PRDM5: variants seen among roughly 807,000 people sequenced by gnomAD.
The protein encoded by PRDM5 is PR domain zinc finger protein 5.
PRDM5 carries 56 observed loss-of-function variants against 81.2 expected under a neutral mutation model. The ratio of observed to expected loss-of-function variants is 0.69; its 90% CI spans 0.56 to 0.86. PRDM5 has a LOEUF of 0.86. Among genes scored for constraint, PRDM5 ranks in the 40% least tolerant of loss-of-function variants. The pLI, the probability that PRDM5 is intolerant of heterozygous loss-of-function variation, is 0.00. For synonymous variants in PRDM5, 267 were observed against 256.4 expected (o/e 1.04, Z -0.39); for missense variants, 697 against 770.1 (o/e 0.91, Z 1.12).
At chr4:120,800,964 G>A (rs896905600) in intron 8 of PRDM5, among the ~76,000 whole-genome samples, 76 of 152,200 alleles carry the variant, frequency 5.0e-4, no homozygotes, top group African/African-American at 1.6e-3. Context: ...AACTGGATAG[G>A]TGGTATGAAA....
chr4:120,830,822 A>G (rs983485945), intron 3 of PRDM5, among the ~76,000 whole-genome samples: 4 of 151,918 alleles, frequency 2.6e-5, no homozygotes, highest in Non-Finnish European at 4.4e-5. Flanking sequence ...GATTCCTAAA[A>G]ACAGAATACT....
At chr4:120,703,352 T>C (rs974794419) in intron 15 of PRDM5, among the ~76,000 whole-genome samples, 4 of 152,080 alleles carry the variant, frequency 2.6e-5, no homozygotes, top group Non-Finnish European at 4.4e-5. Flanking sequence ...TGCCAGCTAA[T>C]TTTTTATTTT....
At chr4:120,917,675 A>G (rs1724352771) in intron 1 of PRDM5, among the ~76,000 whole-genome samples, 1 of 31,876 alleles carries the variant, frequency 3.1e-5, no homozygotes, top group Admixed American at 5.6e-4. Context: ...CTATAGTCAG[A>G]CATTAAAAAA....
intron 2 of PRDM5, among the ~76,000 whole-genome samples, chr4:120,865,474 A>G (rs571710979): frequency 6.6e-6 from 1 of 152,240 alleles, no homozygotes; most frequent in African/African-American, 2.4e-5. Flanking sequence ...GGATAATCTG[A>G]TATCTCCTTC....
Position 120,818,502 on chromosome 4 carries a change from A to AT in PRDM5, c.500dup (p.Tyr167Ter). ...RKDRLGCKEDYACPQCESSFT... is the reference protein window; with the variant it reads ...RKDRLGCKED The stretch of plus-strand genomic sequence containing the variant: ...AACTCGATTCACATTGAGGACAAGC[A>AT]TAGTCCTCTTTACAGCCAAGGCGAT... The change falls in exon 5 of 16, where the codon TAT becomes TAAT. Residue 167 changes from tyrosine to a stop codon, truncating the protein, a stop_gained and frameshift_variant. Transcript: ENST00000264808. LOFTEE classifies it high-confidence loss of function. The AT allele has an allele frequency of 6.2e-7, 1 of 1,613,542 alleles. No individual in the cohort carries two copies. The highest frequency in any genetic ancestry group is 8.5e-7 in the Non-Finnish European group (1 of 1,179,466).
At chr4:120,855,280 C>T (rs979185052) in intron 2 of PRDM5, among the ~76,000 whole-genome samples, 10 of 152,258 alleles carry the variant, frequency 6.6e-5, no homozygotes, top group African/African-American at 9.6e-5. Context: ...CAGACCATCA[C>T]TGGGAAGCAC....
At chr4:120,711,912 CA>C (rs1164096922) in intron 14 of PRDM5, among the ~76,000 whole-genome samples, 5 of 152,086 alleles carry the variant, frequency 3.3e-5, no homozygotes, top group African/African-American at 7.2e-5. Flanking sequence ...AGTGCATCAT[CA>C]AAAAGTTTCG....
In PRDM5 at chr4:120,913,841, G is replaced by A. The variant is rs142972759; in HGVS notation, c.94-6284C>T. Among the ~76,000 whole-genome samples the A allele has an allele frequency of 4.3e-3, 661 of 152,320 alleles. 6 individuals are homozygous for A. Among genetic ancestry groups the A allele is most frequent in the African/African-American group, 0.016 (650 of 41,568 alleles). Reference sequence around the variant, plus strand: ...AAAGTCAGAGATGGAGGGGGTCACAGCCCACAATCTTTCCTGCTCTTGATG... The same window carrying A: ...AAAGTCAGAGATGGAGGGGGTCACAACCCACAATCTTTCCTGCTCTTGATG... On this transcript the variant is annotated intron_variant, in intron 1 of 15. Coordinates refer to ENST00000264808, the MANE Select transcript of PRDM5 (RefSeq NM_018699.4).
chr4:120,774,882 C>T (rs1216302833), intron 13 of PRDM5, among the ~76,000 whole-genome samples: 20 of 91,908 alleles, frequency 2.2e-4, no homozygotes, highest in African/African-American at 7.2e-4. Flanking sequence ...CTCTCTCTCT[C>T]TCTTTCTATA....
intron 2 of PRDM5, among the ~76,000 whole-genome samples, chr4:120,878,899 A>G (rs1287005702): frequency 6.6e-6 from 1 of 152,226 alleles, no homozygotes; most frequent in Non-Finnish European, 1.5e-5. Context: ...AATGCTGACA[A>G]GGACATGGGG....
At chr4:120,896,553 T>C (rs1441843656) in intron 2 of PRDM5, 1 of 151,976 alleles carries the variant, frequency 6.6e-6, no homozygotes, top group Non-Finnish European at 1.5e-5. Context: ...TTTTAAATAG[T>C]TTGAAGTTTG....
intron 2 of PRDM5, among the ~76,000 whole-genome samples, chr4:120,868,840 G>C (rs1761481466): frequency 6.6e-6 from 1 of 151,984 alleles, no homozygotes. Flanking sequence ...TAAAAATGAA[G>C]CCTATAGATA....
chr4:120,767,904 A>C (rs1398146144), intron 13 of PRDM5, among the ~76,000 whole-genome samples: 1 of 152,194 alleles, frequency 6.6e-6, no homozygotes, highest in African/African-American at 2.4e-5. Context: ...GTTCCCCTGC[A>C]CATGCTCTGT....
chr4:120,709,086 A>G (rs994175696), intron 15 of PRDM5, among the ~76,000 whole-genome samples: 6 of 152,298 alleles, frequency 3.9e-5, no homozygotes, highest in South Asian at 4.1e-4. Context: ...TGATGGTTCA[A>G]TTCACCTAAG....
At chr4:120,810,570 A>C (rs1225782227) in intron 8 of PRDM5, 1 of 152,224 alleles carries the variant, frequency 6.6e-6, no homozygotes, top group Non-Finnish European at 1.5e-5. Context: ...CCATATCTCT[A>C]AACAATCTAA....
At chr4:120,744,238 C>A (rs7377202) in intron 14 of PRDM5, among the ~76,000 whole-genome samples, 29,646 of 151,888 alleles carry the variant, frequency 0.2, 3,554 homozygotes, top group Non-Finnish European at 0.27. Context: ...CCAATGAGAA[C>A]AAAGACACAA....
intron 3 of PRDM5, among the ~76,000 whole-genome samples, chr4:120,852,290 C>A (rs1759358677): frequency 6.6e-6 from 1 of 152,086 alleles, no homozygotes; most frequent in Non-Finnish European, 1.5e-5. Context: ...GCTACAGGGT[C>A]CCAGATAGTT....
At chr4:120,783,645 G>C (rs935519792) in intron 11 of PRDM5, among the ~76,000 whole-genome samples, 1 of 151,946 alleles carries the variant, frequency 6.6e-6, no homozygotes, top group African/African-American at 2.4e-5. Flanking sequence ...AATCAAACTG[G>C]TAATGAACTA....
At chr4:120,888,963 T>A (rs1763762509) in intron 2 of PRDM5, among the ~76,000 whole-genome samples, 1 of 152,180 alleles carries the variant, frequency 6.6e-6, no homozygotes, top group Non-Finnish European at 1.5e-5. Context: ...TCTTACTATA[T>A]TCTGGATACA....
Sources: allele counts gnomAD v4.1 joint callset (sites outside exome capture counted in the v4.1 genomes callset), GRCh38; gene constraint gnomAD v4.1.1; transcripts MANE v1.5; gene names NCBI Gene and HGNC (gene_info 2026-07-23, HGNC 2026-07-21).